LRFN2: variants seen among roughly 807,000 people sequenced by gnomAD.
LRFN2 encodes leucine-rich repeat and fibronectin type-III domain-containing protein 2.
LRFN2 carries 18 observed loss-of-function variants against 37.3 expected under a neutral mutation model. The ratio of observed to expected loss-of-function variants is 0.48; its 90% CI spans 0.33 to 0.72. The LOEUF (loss-of-function observed/expected upper bound fraction) is 0.72, where lower values mean the gene tolerates loss of function less well. Ranked by LOEUF, LRFN2 falls within the 30% of genes least tolerant of loss-of-function variation. The probability of loss-of-function intolerance (pLI) is 0.02; values close to 1 mark genes in which losing one functional copy is unlikely to be tolerated. For missense variants in LRFN2, 1,006 were observed against 1,060.7 expected (o/e 0.95, Z 0.72); for synonymous variants, 556 against 466.6 (o/e 1.19, Z -2.47).
At chr6:40,516,900 C>T (rs942599499) in intron 1 of LRFN2, among the ~76,000 whole-genome samples, 3 of 152,220 alleles carry the variant, frequency 2.0e-5, no homozygotes, top group Non-Finnish European at 2.9e-5. Flanking sequence ...GTCTCATCCT[C>T]ATCTGGGCAG....
intron 1 of LRFN2, among the ~76,000 whole-genome samples, chr6:40,550,457 G>A (rs1468673348): frequency 1.3e-5 from 2 of 152,142 alleles, no homozygotes; most frequent in African/African-American, 4.8e-5. Flanking sequence ...TCCTCATCCA[G>A]TAGGGGGCAT....
intron 1 of LRFN2, among the ~76,000 whole-genome samples, chr6:40,493,979 G>A (rs1228694818): frequency 6.6e-6 from 1 of 152,210 alleles, no homozygotes; most frequent in East Asian, 1.9e-4. Flanking sequence ...GTGCTGTCCT[G>A]TGGTTCTGGA....
chr6:40,393,475 T>G (rs925847603), intron 2 of LRFN2, among the ~76,000 whole-genome samples: 118 of 149,032 alleles, frequency 7.9e-4, no homozygotes, highest in African/African-American at 2.7e-3. Flanking sequence ...CATTTAGAGG[T>G]GGAGGGAAAG....
At chr6:40,480,200 A>C (rs1426149975) in intron 1 of LRFN2, among the ~76,000 whole-genome samples, 1 of 152,254 alleles carries the variant, frequency 6.6e-6, no homozygotes, top group Non-Finnish European at 1.5e-5. Flanking sequence ...GGCTCCATTT[A>C]CATGGCTAGA....
chr6:40,412,600 G>A (rs931946397), intron 2 of LRFN2, among the ~76,000 whole-genome samples: 3 of 152,116 alleles, frequency 2.0e-5, no homozygotes, highest in African/African-American at 4.8e-5. Context: ...CTGGGTCTCC[G>A]CTTTTCCCTG....
intron 1 of LRFN2, among the ~76,000 whole-genome samples, chr6:40,532,652 C>A (rs1766367808): frequency 6.6e-6 from 1 of 152,194 alleles, no homozygotes; most frequent in African/African-American, 2.4e-5. Flanking sequence ...TTATTCCTTA[C>A]AAAGCAGTTC....
At chr6:40,463,625 GTTCCCTGCAT>G (rs1164539595) in intron 1 of LRFN2, among the ~76,000 whole-genome samples, 1 of 145,688 alleles carries the variant, frequency 6.9e-6, no homozygotes, top group Non-Finnish European at 1.5e-5. Context: ...TCCACTCCAT[GTTCCCTGCAT>G]TTCCCTGCAT....
chr6:40,548,459 G>T (rs979826582), intron 1 of LRFN2, among the ~76,000 whole-genome samples: 4 of 150,076 alleles, frequency 2.7e-5, no homozygotes, highest in African/African-American at 7.3e-5. Flanking sequence ...AATGAAAAAA[G>T]AAAAATAGTA....
intron 1 of LRFN2, among the ~76,000 whole-genome samples, chr6:40,499,226 AG>A (rs1765312004): frequency 6.6e-6 from 1 of 152,044 alleles, no homozygotes; most frequent in Non-Finnish European, 1.5e-5. Context: ...TTGAGGTGCA[AG>A]GGACTGCCTG....
chr6:40,497,961 G>C (rs1765274577), intron 1 of LRFN2, among the ~76,000 whole-genome samples: 1 of 152,218 alleles, frequency 6.6e-6, no homozygotes, highest in East Asian at 1.9e-4. Context: ...CTGAGAGGGA[G>C]CTGACCTTGA....
intron 1 of LRFN2, among the ~76,000 whole-genome samples, chr6:40,518,804 C>G (rs1025948747): frequency 2.0e-5 from 3 of 152,130 alleles, no homozygotes; most frequent in Non-Finnish European, 2.9e-5. Context: ...GAAGGTTTAC[C>G]ATATTATAAC....
At chr6:40,539,367 G>A (rs75310375) in intron 1 of LRFN2, among the ~76,000 whole-genome samples, 1 of 152,174 alleles carries the variant, frequency 6.6e-6, no homozygotes, top group African/African-American at 2.4e-5. Flanking sequence ...AGCTGACAAG[G>A]GTTCAGCGTA....
intron 1 of LRFN2, among the ~76,000 whole-genome samples, chr6:40,562,826 T>TGC (rs1393879730): frequency 8.4e-6 from 1 of 118,900 alleles, no homozygotes; most frequent in Non-Finnish European, 1.7e-5. Context: ...CTTATGTGCG[T>TGC]GCACTCACTC....
Position 40,391,744 on chromosome 6 carries a change from T to G in LRFN2, c.*199A>C. 1 of 491,482 alleles carries G rather than the reference T, an allele frequency of 2.0e-6. No homozygotes were observed. 30.4% of individuals were successfully genotyped at this position (491,482 alleles called of 1,614,324 possible). A position where few individuals can be genotyped will look rare whatever the true frequency, so the allele number is the denominator to read the frequency against. ...GTCCGGCATTTGAGCGAGTCCACAT[T>G]CCCTGAGCACACCCCGGCCGGGTGG... is the stretch of plus-strand genomic sequence containing the variant. On this transcript the variant is annotated 3_prime_UTR_variant, in exon 3 of 3. Transcript: ENST00000338305.
chr6:40,396,782 G>C (rs1762626416), intron 2 of LRFN2, among the ~76,000 whole-genome samples: 1 of 151,774 alleles, frequency 6.6e-6, no homozygotes, highest in Non-Finnish European at 1.5e-5. Flanking sequence ...GGAGGAGTTG[G>C]GGTGACTTAA....
chr6:40,412,857 G>C (rs2113806637), intron 2 of LRFN2, among the ~76,000 whole-genome samples: 1 of 152,284 alleles, frequency 6.6e-6, no homozygotes, highest in Non-Finnish European at 1.5e-5. Flanking sequence ...AAGGAAAAAA[G>C]AACAAGTAGG....
At chr6:40,445,966 A>C (rs1477172363) in intron 1 of LRFN2, among the ~76,000 whole-genome samples, 3 of 152,232 alleles carry the variant, frequency 2.0e-5, no homozygotes, top group Admixed American at 2.0e-4. Context: ...GTTTCCCATT[A>C]CAGTTCTTAT....
At chr6:40,451,246 G>A (rs1764098040) in intron 1 of LRFN2, among the ~76,000 whole-genome samples, 1 of 152,184 alleles carries the variant, frequency 6.6e-6, no homozygotes, top group Non-Finnish European at 1.5e-5. Flanking sequence ...AATTTATGTG[G>A]TAGAGGTGAC....
At chr6:40,396,724 G>GTGTGTGTGTA (rs1561837824) in intron 2 of LRFN2, among the ~76,000 whole-genome samples, 3 of 148,540 alleles carry the variant, frequency 2.0e-5, no homozygotes, top group African/African-American at 7.4e-5. Context: ...GTGTGTGTGT[G>GTGTGTGTGTA]TGTGTGTATG....
Sources: allele counts gnomAD v4.1 joint callset (sites outside exome capture counted in the v4.1 genomes callset), GRCh38; gene constraint gnomAD v4.1.1; transcripts MANE v1.5; gene names NCBI Gene and HGNC (gene_info 2026-07-23, HGNC 2026-07-21).